Variants in PAMR1 observed in about 807,000 individuals in gnomAD.
PAMR1 encodes the protein inactive serine protease PAMR1.
Under a neutral mutation model 81.8 loss-of-function variants are expected in PAMR1, and 88 were observed. The ratio of observed to expected loss-of-function variants is 1.08; its 90% confidence interval spans 0.91 to 1.28. The LOEUF (loss-of-function observed/expected upper bound fraction) is 1.28, where lower values mean the gene tolerates loss of function less well. PAMR1 is among the 50% of genes most tolerant of loss of function. PAMR1 has a pLI of 0.00. For synonymous variants in PAMR1, 336 were observed against 345.3 expected (o/e 0.97, Z 0.30); for missense variants, 935 against 919.7 (o/e 1.02, Z -0.21).
chr11:35,484,113 C>T (rs1445753191), intron 3 of PAMR1, among the ~76,000 whole-genome samples: 1 of 152,164 alleles, frequency 6.6e-6, no homozygotes, highest in African/African-American at 2.4e-5. Flanking sequence ...ATATACCAGA[C>T]TCTATCCACC....
intron 1 of PAMR1, among the ~76,000 whole-genome samples, chr11:35,516,889 T>G (rs566551075): frequency 2.0e-5 from 3 of 152,192 alleles, no homozygotes; most frequent in Non-Finnish European, 2.9e-5. Context: ...ACAGTGACAA[T>G]GCAGGGGGCA....
At chr11:35,499,756 CTTCA>C (rs972398925) in intron 1 of PAMR1, among the ~76,000 whole-genome samples, 4 of 148,612 alleles carry the variant, frequency 2.7e-5, no homozygotes, top group African/African-American at 9.7e-5. Context: ...GCCCTCTTTA[CTTCA>C]TTATTATTTA....
chr11:35,523,747 G>A (rs1851329376), intron 1 of PAMR1, among the ~76,000 whole-genome samples: 1 of 152,190 alleles, frequency 6.6e-6, no homozygotes, highest in African/African-American at 2.4e-5. Context: ...CCCTCGAAAT[G>A]TGAGTAAAAC....
intron 1 of PAMR1, among the ~76,000 whole-genome samples, chr11:35,502,031 A>T (rs1241624299): frequency 6.6e-6 from 1 of 152,208 alleles, no homozygotes; most frequent in South Asian, 2.1e-4. Context: ...GCACTAATAT[A>T]CATTCCCACC....
At chr11:35,449,116 G>A (rs1191525528) in intron 6 of PAMR1, among the ~76,000 whole-genome samples, 1 of 152,202 alleles carries the variant, frequency 6.6e-6, no homozygotes, top group Non-Finnish European at 1.5e-5. Context: ...CAGTCAGGAG[G>A]CACGATCAGG....
At chr11:35,480,072 G>T (rs566563896) in intron 3 of PAMR1, among the ~76,000 whole-genome samples, 1 of 152,132 alleles carries the variant, frequency 6.6e-6, no homozygotes, top group East Asian at 1.9e-4. Context: ...CCCCCATGAC[G>T]CAGTTCCACG....
intron 1 of PAMR1, among the ~76,000 whole-genome samples, chr11:35,518,803 C>T (rs1305564140): frequency 6.6e-6 from 1 of 152,092 alleles, no homozygotes; most frequent in Non-Finnish European, 1.5e-5. Flanking sequence ...TTTCATTAAG[C>T]TAGCTGGAAT....
rs1439233363 is a variant in PAMR1 at position 35,433,756 on chromosome 11, A to ATGGG, written c.1626+755_1626+756insCCCA. ...GATGGATGGATGGATGGATGGATGGATGGATGGATGGATAGACGGATGGAT... is the reference window on the plus strand; with the variant it reads ...GATGGATGGATGGATGGATGGATGGATGGGTGGATGGATGGATAGACGGATGGAT... On this transcript the variant is annotated intron_variant, in intron 10 of 10. Coordinates refer to ENST00000619888, the MANE Select transcript of PAMR1 (RefSeq NM_001001991.3). Among the ~76,000 whole-genome samples the ATGGG allele has an allele frequency of 7.3e-3, 1,098 of 151,112 alleles. 10 individuals are homozygous for ATGGG. The highest frequency in any genetic ancestry group is 0.026 in the African/African-American group (1,065 of 41,236).
At chr11:35,521,832 C>T (rs1468649119) in intron 1 of PAMR1, among the ~76,000 whole-genome samples, 2 of 152,184 alleles carry the variant, frequency 1.3e-5, no homozygotes, top group Non-Finnish European at 2.9e-5. Context: ...GGCTCCACTA[C>T]TCTGCCAGTG....
chr11:35,435,267 C>CT (rs1380923706), intron 9 of PAMR1, among the ~76,000 whole-genome samples: 8 of 152,188 alleles, frequency 5.3e-5, no homozygotes, highest in African/African-American at 1.9e-4. Flanking sequence ...GGGAAGGCAG[C>CT]TTAGTAAATG....
chr11:35,432,447 C>T lies in PAMR1; in HGVS notation c.2072G>A (p.Trp691Ter), dbSNP rs745791118. Residue 691 changes from tryptophan (W) to a stop codon, truncating the protein, a stop_gained, in exon 11 of 11, where the codon TGG (tryptophan) becomes TAG (stop). Transcript: ENST00000619888. LOFTEE classifies it high-confidence loss of function. ...GTGGCTGCATGTTTTATCATAGCTC[C>T]AGCTGACCAGTCCCATCAGATGCCA... is the stretch of plus-strand genomic sequence containing the variant. ...PRWHLMGLVS[W>*]SYDKTCSHRL... The T allele has an allele frequency of 6.2e-6, 10 of 1,614,192 alleles. No individual in the cohort carries two copies. The Admixed American group carries it at 1.5e-4, about 24-fold the overall frequency.
rs774065416 is a variant in PAMR1 at position 35,439,688 on chromosome 11, G to A, written c.1039C>T (p.Arg347Ter). ...GKQPICIKACREPKISDLVRR... is the reference protein window; with the variant it reads ...GKQPICIKAC ...ACCAGGTCTGAAATCTTTGGTTCTC[G>A]GCAGGCTAGAAATAAAAAAGACAAT... Residue 347 changes from arginine (R) to a stop codon, truncating the protein, a stop_gained, in exon 8 of 11, where the codon CGA (arginine) becomes TGA (stop). Transcript: ENST00000619888. LOFTEE classifies it high-confidence loss of function. 1.4e-5 allele frequency: 23 copies of A among 1,612,966 alleles called. No individual in the cohort carries two copies. Among genetic ancestry groups the A allele is most frequent in the African/African-American group, 8.0e-5 (6 of 74,838 alleles).
At chr11:35,490,766 TCA>T (rs569555022) in intron 3 of PAMR1, among the ~76,000 whole-genome samples, 537 of 152,382 alleles carry the variant, frequency 3.5e-3, no homozygotes, top group African/African-American at 0.012. Context: ...ACTAAGTGCT[TCA>T]CACACATTAT....
chr11:35,502,613 C>G (rs657755), intron 1 of PAMR1, among the ~76,000 whole-genome samples: 48,392 of 151,996 alleles, frequency 0.32, 7,800 homozygotes, highest in African/African-American at 0.37. Context: ...TGGCTGCATA[C>G]TATTCCATGG....
intron 10 of PAMR1, among the ~76,000 whole-genome samples, chr11:35,433,231 A>G (rs115802375): frequency 6.6e-5 from 10 of 152,210 alleles, no homozygotes; most frequent in African/African-American, 2.2e-4. Context: ...TGAATTCCAA[A>G]TCTTTATCTG....
chr11:35,459,111 A>C (rs1565335019), intron 6 of PAMR1, among the ~76,000 whole-genome samples: 1 of 151,960 alleles, frequency 6.6e-6, no homozygotes, highest in Admixed American at 6.6e-5. Context: ...ACACACTGTT[A>C]TTTTTTCATC....
chr11:35,451,770 G>A (rs542449953), intron 6 of PAMR1: 1 of 549,274 alleles, frequency 1.8e-6, no homozygotes, highest in South Asian at 2.5e-5. Context: ...GTTCATGAGG[G>A]TGGAGCCCTC....
At chr11:35,522,136 A>C (rs1227031232) in intron 1 of PAMR1, among the ~76,000 whole-genome samples, 2 of 152,068 alleles carry the variant, frequency 1.3e-5, no homozygotes, top group Non-Finnish European at 2.9e-5. Context: ...GTTAGCCAGG[A>C]TGGCCTCGAT....
chr11:35,464,398 T>C (rs1856720275), intron 6 of PAMR1, among the ~76,000 whole-genome samples: 1 of 152,244 alleles, frequency 6.6e-6, no homozygotes, highest in South Asian at 2.1e-4. Context: ...AACTCACTTG[T>C]GTTTAAAACA....
Sources: gnomAD v4.1 joint callset for allele counts (sites outside exome capture counted in the v4.1 genomes callset) on GRCh38, gnomAD v4.1.1 for gene constraint, MANE v1.5 for transcripts, NCBI Gene and HGNC (gene_info 2026-07-23, HGNC 2026-07-21) for gene names.